The following GGACT variants were observed in gnomAD, a reference collection of about 807,000 sequenced individuals.
GGACT encodes the protein gamma-glutamylaminecyclotransferase.
For synonymous variants in GGACT, 118 were observed against 115.3 expected (o/e 1.02, Z -0.15); for missense variants, 241 against 233.2 (o/e 1.03, Z -0.22).
intron 2 of GGACT, chr13:100,536,339 C>G (rs2088491660): frequency 3.3e-5 from 5 of 152,154 alleles, no homozygotes; most frequent in Non-Finnish European, 7.3e-5. Context: ...TGTTCTCTTT[C>G]TGGCTCTCCC....
chr13:100,553,487 T>G (rs1442972541), intron 2 of GGACT, among the ~76,000 whole-genome samples: 1 of 152,130 alleles, frequency 6.6e-6, no homozygotes, highest in Non-Finnish European at 1.5e-5. Context: ...GCATTCACCA[T>G]GAGCAGCACC....
At chr13:100,566,645 G>A (rs955833615) in intron 2 of GGACT, among the ~76,000 whole-genome samples, 7 of 152,314 alleles carry the variant, frequency 4.6e-5, no homozygotes, top group African/African-American at 1.7e-4. Context: ...AACTGGGTGG[G>A]TAGGTATTTA....
At position 100,532,177 on chromosome 13, in the gene GGACT, AGTC is replaced by A; in HGVS notation, c.412_414del (p.Asp138del). On this transcript the variant is annotated inframe_deletion, in exon 3 of 3. Transcript: ENST00000683975. ...TAGCGCAGCCCGTGCGGCCCCTCGGAGTCGTAGCTGTCATGGTGCGGGAGCTGG... is the reference window on the plus strand; with the variant it reads ...TAGCGCAGCCCGTGCGGCCCCTCGGAGTAGCTGTCATGGTGCGGGAGCTGG... 1 of 1,463,708 alleles carries A rather than the reference AGTC, an allele frequency of 6.8e-7. No homozygotes were observed. The highest frequency in any genetic ancestry group is 2.5e-5 in the East Asian group (1 of 39,904). The allele number at this position is 1,463,708 out of a possible 1,614,324, so 90.7% of individuals were successfully genotyped here.
chr13:100,588,511 G>A (rs1455796404), intron 1 of GGACT: 1 of 152,166 alleles, frequency 6.6e-6, no homozygotes, highest in Non-Finnish European at 1.5e-5. Flanking sequence ...GCCCCCGCGC[G>A]GGGCAATGGA....
intron 2 of GGACT, 59 bp from the exon 3 acceptor site, chr13:100,532,660 G>A: frequency 7.3e-7 from 1 of 1,365,052 alleles, no homozygotes; most frequent in South Asian, 1.4e-5. Flanking sequence ...GTCTGCACCT[G>A]GGACGTGGCT....
At chr13:100,561,267 A>T (rs997103361) in intron 2 of GGACT, among the ~76,000 whole-genome samples, 1 of 152,172 alleles carries the variant, frequency 6.6e-6, no homozygotes, top group Non-Finnish European at 1.5e-5. Flanking sequence ...ACACTTCCAT[A>T]TTAGGAACAG....
intron 2 of GGACT, among the ~76,000 whole-genome samples, chr13:100,535,327 C>T (rs1403532571): frequency 6.6e-6 from 1 of 152,258 alleles, no homozygotes; most frequent in Admixed American, 6.5e-5. Flanking sequence ...GCATTTATCT[C>T]CATATTGTTA....
At position 100,530,214 on chromosome 13, in the gene GGACT, A is replaced by G. The variant is rs763154421; in HGVS notation, c.*1916T>C. On this transcript the variant is annotated 3_prime_UTR_variant, in exon 3 of 3. Coordinates refer to ENST00000683975, the MANE Select transcript of GGACT (RefSeq NM_001195087.2). ...TCACCCAATTTAATTAGCCATTTGCATGATGCTTTCACACACAATTGATTC... is the reference window on the plus strand; with the variant it reads ...TCACCCAATTTAATTAGCCATTTGCGTGATGCTTTCACACACAATTGATTC... The G allele has an allele frequency of 7.1e-7, 1 of 1,407,622 alleles. No individual in the cohort carries two copies. The highest frequency in any genetic ancestry group is 2.3e-5 in the East Asian group (1 of 43,946). The allele number at this position is 1,407,622 out of a possible 1,614,324, so 87.2% of individuals were successfully genotyped here. A position where few individuals can be genotyped will look rare whatever the true frequency, so the allele number is the denominator to read the frequency against.
chr13:100,535,649 A>G (rs2088480801), intron 2 of GGACT: 1 of 152,256 alleles, frequency 6.6e-6, no homozygotes, highest in Non-Finnish European at 1.5e-5. Context: ...CAACAGACTC[A>G]TCATAGTTTT....
At position 100,530,493 on chromosome 13, in the gene GGACT, C is replaced by T; in HGVS notation, c.*1637G>A. 2 of 431,192 alleles carry T rather than the reference C, an allele frequency of 4.6e-6. No homozygotes were observed. Among genetic ancestry groups the T allele is most frequent in the South Asian group, 2.2e-5 (1 of 44,886 alleles). The allele number at this position is 431,192 out of a possible 1,614,324, so 26.7% of individuals were successfully genotyped here. On this transcript the variant is annotated 3_prime_UTR_variant, in exon 3 of 3. Transcript: ENST00000683975. ...TGTACACATAGGCGACAGGCTCTGC[C>T]AGTAGACTACCAGCATTTCTTTGTG...
chr13:100,544,964 G>C (rs1566530858), intron 2 of GGACT, among the ~76,000 whole-genome samples: 3 of 152,250 alleles, frequency 2.0e-5, no homozygotes, highest in Admixed American at 6.5e-5. Flanking sequence ...ACGGCAGCAG[G>C]AGCGGAGGTG....
chr13:100,541,133 T>C (rs888652978), intron 2 of GGACT, among the ~76,000 whole-genome samples: 4 of 152,308 alleles, frequency 2.6e-5, no homozygotes, highest in African/African-American at 9.6e-5. Context: ...TTAAAACAAG[T>C]ATTTCTCTTG....
At chr13:100,577,790 AAG>A (rs1001054734) in intron 2 of GGACT, among the ~76,000 whole-genome samples, 7 of 145,912 alleles carry the variant, frequency 4.8e-5, no homozygotes, top group Non-Finnish European at 8.8e-5. Flanking sequence ...AGGGAAAAAA[AAG>A]AGAGAAAGGG....
intron 2 of GGACT, among the ~76,000 whole-genome samples, chr13:100,549,026 C>T (rs896267526): frequency 2.3e-4 from 35 of 152,370 alleles, no homozygotes; most frequent in African/African-American, 7.5e-4. Context: ...ACCTCCACTA[C>T]GCGTGGAGGC....
At chr13:100,551,293 A>C (rs376526016) in intron 2 of GGACT, among the ~76,000 whole-genome samples, 38 of 152,176 alleles carry the variant, frequency 2.5e-4, no homozygotes, top group Middle Eastern at 3.4e-3. Context: ...CAAAAAAAAA[A>C]CAAAAACCCA....
chr13:100,563,900 T>C (rs2088786663), intron 2 of GGACT, among the ~76,000 whole-genome samples: 1 of 152,056 alleles, frequency 6.6e-6, no homozygotes, highest in African/African-American at 2.4e-5. Context: ...GCAAGGAGCG[T>C]GAGCCCAGGC....
intron 2 of GGACT, among the ~76,000 whole-genome samples, chr13:100,578,421 G>A (rs1392358396): frequency 2.6e-5 from 4 of 152,208 alleles, no homozygotes; most frequent in African/African-American, 7.2e-5. Context: ...ACAGAGGCTC[G>A]AGAAAACCAG....
At position 100,530,383 on chromosome 13, in the gene GGACT, G is replaced by T; in HGVS notation, c.*1747C>A. 4.9e-6 allele frequency: 3 copies of T among 611,392 alleles called. No homozygotes were observed. Among genetic ancestry groups the T allele is most frequent in the Non-Finnish European group, 5.8e-6 (2 of 342,022 alleles). 37.9% of individuals were successfully genotyped at this position (611,392 alleles called of 1,614,324 possible). A position where few individuals can be genotyped will look rare whatever the true frequency, so the allele number is the denominator to read the frequency against. ...TGTACATATGATTTGTACTTCTGCT[G>T]TGAGATTCCCTAGTGTCAAAATTAA... On this transcript the variant is annotated 3_prime_UTR_variant, in exon 3 of 3. Transcript: ENST00000683975.
At chr13:100,539,717 G>A in intron 2 of GGACT, 1 of 604,700 alleles carries the variant, frequency 1.7e-6, no homozygotes, top group Non-Finnish European at 2.9e-6. Context: ...ACACTGAAAT[G>A]TTCCTTCTTC....
Sources: allele counts gnomAD v4.1 joint callset (sites outside exome capture counted in the v4.1 genomes callset), GRCh38; gene constraint gnomAD v4.1.1; transcripts MANE v1.5; gene names NCBI Gene and HGNC (gene_info 2026-07-23, HGNC 2026-07-21).